Variants in SORBS2 observed in about 807,000 individuals in gnomAD.
SORBS2 encodes sorbin and SH3 domain containing 2, also known as sorbin and SH3 domain-containing protein 2.
A neutral mutation model predicts 97.7 loss-of-function variants in SORBS2; 46 were observed. That is an observed-to-expected ratio of 0.47 (90% CI 0.37 to 0.60). SORBS2 has a LOEUF of 0.60. Among genes scored for constraint, SORBS2 ranks in the 20% least tolerant of loss-of-function variants. The pLI, the probability that SORBS2 is intolerant of heterozygous loss-of-function variation, is 0.00. For missense variants in SORBS2, 1,316 were observed against 1,282.3 expected (o/e 1.03, Z -0.40); for synonymous variants, 476 against 473.4 (o/e 1.01, Z -0.07).
At chr4:185,879,162 C>A (rs2099235340) in intron 1 of SORBS2, among the ~76,000 whole-genome samples, 2 of 78,218 alleles carry the variant, frequency 2.6e-5, no homozygotes, top group African/African-American at 6.9e-5. Context: ...CTAATGCTAT[C>A]CCTCCCCCCC....
chr4:185,877,874 CA>C (rs1435447743), intron 1 of SORBS2, among the ~76,000 whole-genome samples: 24 of 81,082 alleles, frequency 3.0e-4, no homozygotes, highest in Non-Finnish European at 4.0e-4. Flanking sequence ...TGTCAAAAAA[CA>C]AAAAAAAAAA....
intron 2 of SORBS2, among the ~76,000 whole-genome samples, chr4:185,766,332 C>A (rs2098933920): frequency 6.6e-6 from 1 of 152,208 alleles, no homozygotes; most frequent in Non-Finnish European, 1.5e-5. Flanking sequence ...GCTTTCTCAT[C>A]TCACCGTACA....
intron 4 of SORBS2, among the ~76,000 whole-genome samples, chr4:185,643,423 T>C (rs1205877646): frequency 6.6e-6 from 1 of 152,088 alleles, no homozygotes; most frequent in Non-Finnish European, 1.5e-5. Context: ...CTTCTATAAA[T>C]TATGCTCAGG....
intron 2 of SORBS2, among the ~76,000 whole-genome samples, chr4:185,686,831 A>C (rs1333808929): frequency 6.6e-6 from 1 of 152,220 alleles, no homozygotes; most frequent in Non-Finnish European, 1.5e-5. Context: ...CCTGGGCTGC[A>C]CTGGTGCATT....
intron 4 of SORBS2, among the ~76,000 whole-genome samples, chr4:185,677,942 C>T (rs977511653): frequency 2.6e-5 from 4 of 151,974 alleles, no homozygotes; most frequent in Admixed American, 2.6e-4. Flanking sequence ...CATATGTTCT[C>T]TTGGCATATT....
intron 1 of SORBS2, among the ~76,000 whole-genome samples, chr4:185,906,742 G>T (rs1056134058): frequency 4.6e-5 from 7 of 152,140 alleles, no homozygotes; most frequent in African/African-American, 1.7e-4. Flanking sequence ...CTATCTATAC[G>T]AAAAGACAAA....
intron 1 of SORBS2, among the ~76,000 whole-genome samples, chr4:185,779,103 A>C (rs2099014821): frequency 6.6e-6 from 1 of 152,220 alleles, no homozygotes; most frequent in Admixed American, 6.5e-5. Flanking sequence ...AAAACTTCCA[A>C]TTCTATATGC....
intron 2 of SORBS2, among the ~76,000 whole-genome samples, chr4:185,725,487 C>T (rs1206266632): frequency 6.6e-6 from 1 of 152,196 alleles, no homozygotes; most frequent in African/African-American, 2.4e-5. Flanking sequence ...CATAGCTAAT[C>T]TCTCTGAGTT....
At chr4:185,948,082 G>C (rs891417997) in intron 1 of SORBS2, among the ~76,000 whole-genome samples, 1 of 151,810 alleles carries the variant, frequency 6.6e-6, no homozygotes, top group African/African-American at 2.4e-5. Flanking sequence ...GGCTACTCTG[G>C]CTCGTTTCTG....
At position 185,606,621 on chromosome 4, in the gene SORBS2, G is replaced by T. The variant is rs2096426632; in HGVS notation, c.2796+5159C>A. 2.0e-6 allele frequency: 2 copies of T among 985,046 alleles called. No homozygotes were observed. The highest frequency in any genetic ancestry group is 2.4e-6 in the Non-Finnish European group (2 of 829,872). 61.0% of individuals were successfully genotyped at this position (985,046 alleles called of 1,614,324 possible). ...GTTTTGCTGCATTGCTGTCCTCCTTGGGGGTCCTAGGATCTGTGGGGGTGG... is the reference window on the plus strand; with the variant it reads ...GTTTTGCTGCATTGCTGTCCTCCTTTGGGGTCCTAGGATCTGTGGGGGTGG... On this transcript the variant is annotated intron_variant, in intron 12 of 14. Coordinates refer to ENST00000418609, the Ensembl canonical transcript of SORBS2. This position sits in a 1 kb window ranked among gnomAD's most constrained non-coding sequence, Gnocchi z 4.3.
At chr4:185,634,595 G>C (rs2096963053) in intron 4 of SORBS2, among the ~76,000 whole-genome samples, 1 of 151,866 alleles carries the variant, frequency 6.6e-6, no homozygotes, top group African/African-American at 2.4e-5. Context: ...AGGTTAACAA[G>C]CTTTTGACTC....
At chr4:185,769,453 C>T (rs1480734364) in intron 2 of SORBS2, among the ~76,000 whole-genome samples, 2 of 152,146 alleles carry the variant, frequency 1.3e-5, no homozygotes, top group Admixed American at 6.5e-5. Context: ...AATCATTTTC[C>T]TGCTCTTACT....
At chr4:185,848,220 G>C (rs4862578) in intron 1 of SORBS2, among the ~76,000 whole-genome samples, 11,477 of 152,160 alleles carry the variant, frequency 0.075, 570 homozygotes, top group Non-Finnish European at 0.11. Context: ...AGTCTGTAGT[G>C]GTCCCCATGA....
At chr4:185,938,102 C>T (rs764261568) in intron 1 of SORBS2, among the ~76,000 whole-genome samples, 4 of 150,820 alleles carry the variant, frequency 2.7e-5, no homozygotes, top group Non-Finnish European at 1.5e-5. Context: ...CCCCACCTCC[C>T]GGTTCAAGTG....
At chr4:185,825,802 T>C (rs1039238) in intron 1 of SORBS2, among the ~76,000 whole-genome samples, 106,732 of 151,972 alleles carry the variant, frequency 0.7, 38,433 homozygotes, top group Non-Finnish European at 0.77. Flanking sequence ...GTTAATGAAA[T>C]AATTTTTGTT....
intron 2 of SORBS2, among the ~76,000 whole-genome samples, chr4:185,698,721 G>A (rs1171204321): frequency 6.6e-6 from 1 of 152,136 alleles, no homozygotes; most frequent in Non-Finnish European, 1.5e-5. Flanking sequence ...CTTCCTCTAA[G>A]ACTAATAGGA....
At chr4:185,925,602 G>A (rs2099263222) in intron 1 of SORBS2, among the ~76,000 whole-genome samples, 1 of 152,052 alleles carries the variant, frequency 6.6e-6, no homozygotes, top group South Asian at 2.1e-4. Flanking sequence ...GATACATTTT[G>A]GAAATATATG....
intron 1 of SORBS2, among the ~76,000 whole-genome samples, chr4:185,788,987 T>C (rs773063635): frequency 3.3e-4 from 51 of 152,312 alleles, no homozygotes; most frequent in Middle Eastern, 3.4e-3. Context: ...ATTCAAGTAC[T>C]AACAAACGCC....
intron 1 of SORBS2, among the ~76,000 whole-genome samples, chr4:185,808,916 T>C (rs923201114): frequency 3.0e-4 from 45 of 152,156 alleles, no homozygotes; most frequent in Admixed American, 9.8e-4. Flanking sequence ...GATAGAAAAA[T>C]AGTATTATTT....
Sources: allele counts gnomAD v4.1 joint callset (sites outside exome capture counted in the v4.1 genomes callset), GRCh38; gene constraint gnomAD v4.1.1; non-coding constraint Gnocchi (gnomAD v3.1); transcripts MANE v1.5; gene names NCBI Gene and HGNC (gene_info 2026-07-23, HGNC 2026-07-21).